SLMAP: variants seen among roughly 807,000 people sequenced by gnomAD.
SLMAP encodes the protein sarcolemmal membrane-associated protein.
In SLMAP, 44 loss-of-function variants were observed where a neutral mutation model predicts 128.8. That is an observed-to-expected ratio of 0.34 (90% CI 0.27 to 0.44). SLMAP has a LOEUF of 0.44. SLMAP is among the 20% of genes least tolerant of loss of function. SLMAP has a pLI of 1.00. For synonymous variants in SLMAP, 327 were observed against 348.8 expected, an observed-to-expected ratio of 0.94 and a Z score of 0.70; for missense variants, 787 against 985.3, an observed-to-expected ratio of 0.80 and a Z score of 2.69.
intron 2 of SLMAP, among the ~76,000 whole-genome samples, chr3:57,806,576 T>G (rs1281028975): frequency 6.6e-6 from 1 of 152,104 alleles, no homozygotes; most frequent in Non-Finnish European, 1.5e-5. Context: ...TAGCTGGGAT[T>G]ATAGGCATAT....
At chr3:57,764,309 C>T (rs1014767709) in intron 2 of SLMAP, among the ~76,000 whole-genome samples, 1 of 152,002 alleles carries the variant, frequency 6.6e-6, no homozygotes, top group African/African-American at 2.4e-5. Context: ...TGAGACCAGC[C>T]TGGCCAACAT....
chr3:57,826,854 C>T (rs897370559), intron 2 of SLMAP, among the ~76,000 whole-genome samples: 3 of 152,162 alleles, frequency 2.0e-5, no homozygotes, highest in Non-Finnish European at 2.9e-5. Flanking sequence ...CAAATGCCCC[C>T]TTTGTTTCCT....
chr3:57,904,030 C>G (rs934390233), intron 17 of SLMAP, among the ~76,000 whole-genome samples: 1 of 152,146 alleles, frequency 6.6e-6, no homozygotes, highest in Non-Finnish European at 1.5e-5. Flanking sequence ...AACCTTTGCA[C>G]AAAAAGAATT....
chr3:57,882,923 T>A (rs2095786351), intron 14 of SLMAP, among the ~76,000 whole-genome samples: 1 of 152,184 alleles, frequency 6.6e-6, no homozygotes, highest in Non-Finnish European at 1.5e-5. Context: ...TATTATCTGC[T>A]GTGTTCATGT....
chr3:57,794,146 C>T (rs946574720), intron 2 of SLMAP, among the ~76,000 whole-genome samples: 6 of 152,142 alleles, frequency 3.9e-5, no homozygotes, highest in African/African-American at 2.4e-5. Context: ...GTTTTGGTGG[C>T]TGTTCTTTTT....
At chr3:57,805,828 T>C (rs2089697862) in intron 2 of SLMAP, among the ~76,000 whole-genome samples, 2 of 151,576 alleles carry the variant, frequency 1.3e-5, no homozygotes, top group Non-Finnish European at 2.9e-5. Context: ...TGACTCCCCC[T>C]ACCAACCCCA....
chr3:57,865,885 G>A (rs1223345828), intron 13 of SLMAP, among the ~76,000 whole-genome samples: 2 of 152,162 alleles, frequency 1.3e-5, no homozygotes, highest in Admixed American at 1.3e-4. Context: ...TTTTTACCCA[G>A]TGACCTCTAT....
rs186511938 is a variant in SLMAP at position 57,896,851 on chromosome 3, T to G, written c.1442-22T>G. 5.3e-5 allele frequency: 84 copies of G among 1,583,032 alleles called. No homozygotes were observed. In the African/African-American group the frequency reaches 9.8e-4, roughly 19 times the overall value. On this transcript the variant is annotated intron_variant, in intron 16 of 24. Transcript: ENST00000671191. ...TCTGAATACTGTCTGTAATTATATATGTATTTTTTTCCTCTCTGTAGACGC... is the reference window on the plus strand; with the variant it reads ...TCTGAATACTGTCTGTAATTATATAGGTATTTTTTTCCTCTCTGTAGACGC...
intron 2 of SLMAP, among the ~76,000 whole-genome samples, chr3:57,803,410 A>C (rs2089058806): frequency 6.6e-6 from 1 of 152,214 alleles, no homozygotes; most frequent in Non-Finnish European, 1.5e-5. Flanking sequence ...TACTAAATTA[A>C]CAAAATCAAA....
intron 2 of SLMAP, among the ~76,000 whole-genome samples, chr3:57,789,669 A>AAAT (rs2085013056): frequency 6.6e-6 from 1 of 152,178 alleles, no homozygotes; most frequent in Non-Finnish European, 1.5e-5. Context: ...TGTCAACATG[A>AAAT]GTCACATTGT....
rs370226843 is a variant in SLMAP at position 57,919,328 on chromosome 3, C to T, written c.2310+2251C>T. 1.1e-3 allele frequency among the ~76,000 whole-genome samples: 170 copies of T among 151,456 alleles called. 1 individual carries two copies. Among genetic ancestry groups the T allele is most frequent in the African/African-American group, 4.0e-3 (165 of 41,226 alleles). On this transcript the variant is annotated intron_variant, in intron 22 of 24. Transcript: ENST00000671191. Reference sequence around the variant, plus strand: ...CCCGGGAGGCGGAGGTTGTGGTGAGCTGAGATCAGGCCATTGCACTCCAGC... The same window carrying T: ...CCCGGGAGGCGGAGGTTGTGGTGAGTTGAGATCAGGCCATTGCACTCCAGC...
chr3:57,838,086 A>G (rs780818491), intron 3 of SLMAP, among the ~76,000 whole-genome samples: 2 of 152,216 alleles, frequency 1.3e-5, no homozygotes, highest in Non-Finnish European at 2.9e-5. Context: ...CAACAGAATT[A>G]CTGATGTTGT....
chr3:57,788,948 TAGTGTTTGTATACTTC>T (rs2084842201), intron 2 of SLMAP, among the ~76,000 whole-genome samples: 2 of 152,124 alleles, frequency 1.3e-5, no homozygotes, highest in Admixed American at 6.5e-5. Context: ...ATAAGAAAGG[TAGTGTTTGTATACTTC>T]AGTGATGATC....
At chr3:57,880,480 A>G (rs767915556) in intron 14 of SLMAP, among the ~76,000 whole-genome samples, 2 of 152,050 alleles carry the variant, frequency 1.3e-5, no homozygotes, top group African/African-American at 4.8e-5. Flanking sequence ...GGGGATTACA[A>G]GCATGAGCCA....
chr3:57,865,188 A>T, intron 12 of SLMAP, 54 bp from the exon 13 acceptor site: 2 of 966,036 alleles, frequency 2.1e-6, no homozygotes, highest in Non-Finnish European at 3.1e-6. Context: ...ACTTGAGACC[A>T]CATTTAAAGT....
intron 6 of SLMAP, 109 bp downstream of exon 6, chr3:57,849,925 G>A (rs1263576645): frequency 2.8e-6 from 2 of 702,786 alleles, no homozygotes; most frequent in Non-Finnish European, 5.1e-6. Flanking sequence ...TGTAATCCCA[G>A]GACTTTGGGA....
chr3:57,822,574 G>A (rs1577061788), intron 2 of SLMAP, among the ~76,000 whole-genome samples: 3 of 152,192 alleles, frequency 2.0e-5, no homozygotes, highest in Admixed American at 2.0e-4. Context: ...GAATTTCATT[G>A]TTTTGGTGTT....
chr3:57,918,369 G>A (rs981341060), intron 22 of SLMAP: 1 of 152,248 alleles, frequency 6.6e-6, no homozygotes, highest in East Asian at 1.9e-4. Flanking sequence ...TTTGGTCACT[G>A]AGTAATCGGT....
intron 2 of SLMAP, among the ~76,000 whole-genome samples, chr3:57,827,366 C>T (rs1216432865): frequency 6.6e-6 from 1 of 152,214 alleles, no homozygotes; most frequent in African/African-American, 2.4e-5. Flanking sequence ...ATAGCAGGAA[C>T]TTTCTGAAGG....
Sources: gnomAD v4.1 joint callset for allele counts (sites outside exome capture counted in the v4.1 genomes callset) on GRCh38, gnomAD v4.1.1 for gene constraint, MANE v1.5 for transcripts, NCBI Gene and HGNC (gene_info 2026-07-23, HGNC 2026-07-21) for gene names.